R3HCC1L: variants seen among roughly 807,000 people sequenced by gnomAD.
The protein encoded by R3HCC1L is coiled-coil domain-containing protein R3HCC1L.
In R3HCC1L, 51 loss-of-function variants were observed where a neutral mutation model predicts 59.9. The ratio of observed to expected loss-of-function variants is 0.85; its 90% confidence interval spans 0.68 to 1.07. The LOEUF (loss-of-function observed/expected upper bound fraction) is 1.07. R3HCC1L is among the 50% of genes least tolerant of loss of function. The pLI, the probability that R3HCC1L is intolerant of heterozygous loss-of-function variation, is 0.00. For missense variants in R3HCC1L, 965 were observed against 933.0 expected (o/e 1.03, Z -0.45); for synonymous variants, 322 against 315.2 (o/e 1.02, Z -0.23).
At chr10:98,238,614 A>C (rs891776236) in intron 9 of R3HCC1L, among the ~76,000 whole-genome samples, 5 of 152,168 alleles carry the variant, frequency 3.3e-5, no homozygotes, top group Non-Finnish European at 7.4e-5. Flanking sequence ...AACTGGCCTA[A>C]GGTCACCCAG....
At chr10:98,174,595 A>G in intron 4 of R3HCC1L, 1 of 984,770 alleles carries the variant, frequency 1.0e-6, no homozygotes, top group Non-Finnish European at 1.2e-6. Context: ...CTCAGTTTAA[A>G]CACAACTCAT....
Position 98,235,500 on chromosome 10 carries a change from CCAAAG to C in R3HCC1L, c.2110_2114del (p.Lys704Ter), listed in dbSNP as rs749452374. 320 of 1,612,988 alleles carry C rather than the reference CCAAAG, an allele frequency of 2.0e-4. No individual in the cohort carries two copies. The highest frequency in any genetic ancestry group is 2.4e-4 in the Non-Finnish European group (283 of 1,179,358). On this transcript the variant is annotated frameshift_variant, in exon 8 of 10. Transcript: ENST00000298999. LOFTEE classifies it high-confidence loss of function. ...TCACAGGCCACAAGAGCAGCCAAGGCCAAAGCTAGAGCTTATGCTGGTGAGTCTAT... is the reference window on the plus strand; with the variant it reads ...TCACAGGCCACAAGAGCAGCCAAGGCCTAGAGCTTATGCTGGTGAGTCTAT...
At chr10:98,190,884 A>G (rs761952489) in intron 4 of R3HCC1L, among the ~76,000 whole-genome samples, 1 of 136,288 alleles carries the variant, frequency 7.3e-6, no homozygotes, top group Non-Finnish European at 1.5e-5. Flanking sequence ...GTTCCTACCT[A>G]TGAGTGAGAA....
chr10:98,227,688 C>T (rs1266681933), intron 5 of R3HCC1L, among the ~76,000 whole-genome samples: 3 of 151,568 alleles, frequency 2.0e-5, no homozygotes, highest in East Asian at 1.9e-4. Flanking sequence ...CCCATTAACT[C>T]GTCATTTACA....
intron 4 of R3HCC1L, among the ~76,000 whole-genome samples, chr10:98,182,446 G>T (rs931823420): frequency 6.6e-6 from 1 of 152,162 alleles, no homozygotes; most frequent in African/African-American, 2.4e-5. Flanking sequence ...TGAGGTGTCA[G>T]TCGGCCCCTC....
intron 4 of R3HCC1L, among the ~76,000 whole-genome samples, chr10:98,202,726 C>T (rs1852191948): frequency 2.0e-5 from 3 of 152,064 alleles, no homozygotes; most frequent in South Asian, 4.2e-4. Flanking sequence ...GTGGCAGTCG[C>T]CTGTAGTCCC....
chr10:98,189,275 A>G (rs1303162098), intron 4 of R3HCC1L, among the ~76,000 whole-genome samples: 1 of 152,216 alleles, frequency 6.6e-6, no homozygotes, highest in Non-Finnish European at 1.5e-5. Flanking sequence ...TGGAGGTTGT[A>G]GTACAGCTGT....
At chr10:98,150,050 ATTCT>A (rs1845993221) in intron 1 of R3HCC1L, among the ~76,000 whole-genome samples, 1 of 152,108 alleles carries the variant, frequency 6.6e-6, no homozygotes, top group African/African-American at 2.4e-5. Flanking sequence ...GAGTTCACTG[ATTCT>A]TTCCTCTGTG....
At chr10:98,166,185 C>G (rs1460169041) in intron 4 of R3HCC1L, among the ~76,000 whole-genome samples, 2 of 152,094 alleles carry the variant, frequency 1.3e-5, no homozygotes, top group South Asian at 4.1e-4. Context: ...ATCAAACAAA[C>G]AAACCAAGAA....
intron 4 of R3HCC1L, among the ~76,000 whole-genome samples, chr10:98,206,801 G>A (rs1008375456): frequency 2.0e-5 from 3 of 151,972 alleles, no homozygotes; most frequent in Admixed American, 2.0e-4. Context: ...TGAAAATTAG[G>A]CATTTTTTGA....
At chr10:98,157,943 A>G (rs548962938) in intron 2 of R3HCC1L, among the ~76,000 whole-genome samples, 5 of 152,362 alleles carry the variant, frequency 3.3e-5, no homozygotes, top group Admixed American at 6.5e-5. Context: ...GTAACTAAGC[A>G]TAGGTCTGCA....
intron 1 of R3HCC1L, among the ~76,000 whole-genome samples, chr10:98,150,567 G>A (rs1271457134): frequency 6.6e-6 from 1 of 151,060 alleles, no homozygotes; most frequent in Non-Finnish European, 1.5e-5. Context: ...GGCACCAGCT[G>A]TCACCTTAAG....
intron 1 of R3HCC1L, among the ~76,000 whole-genome samples, chr10:98,142,761 C>G (rs1032472675): frequency 3.9e-5 from 6 of 152,026 alleles, no homozygotes; most frequent in African/African-American, 1.2e-4. Context: ...ATGGCAAAAC[C>G]CTGTCTCCAC....
intron 9 of R3HCC1L, among the ~76,000 whole-genome samples, chr10:98,241,680 TTGTC>T (rs1451109741): frequency 2.0e-5 from 3 of 152,208 alleles, no homozygotes; most frequent in African/African-American, 7.2e-5. Flanking sequence ...ACATGTTTCT[TTGTC>T]TTTCTGTTTA....
chr10:98,215,413 T>A (rs1481931024), intron 5 of R3HCC1L, among the ~76,000 whole-genome samples: 1 of 151,468 alleles, frequency 6.6e-6, no homozygotes, highest in Non-Finnish European at 1.5e-5. Context: ...AATTTTTTTT[T>A]ATCATATTTC....
intron 5 of R3HCC1L, 88 bp from the exon 6 acceptor site, chr10:98,231,424 A>G (rs1564733556): frequency 8.2e-7 from 1 of 1,224,026 alleles, no homozygotes; most frequent in East Asian, 2.5e-5. Context: ...ATGTAGAGAA[A>G]GGGAGGAGGA....
chr10:98,194,543 C>T (rs1326406130), intron 4 of R3HCC1L, among the ~76,000 whole-genome samples: 1 of 151,968 alleles, frequency 6.6e-6, no homozygotes, highest in African/African-American at 2.4e-5. Flanking sequence ...TAAACACAGC[C>T]TGAGGAATAG....
At chr10:98,169,169 GC>G (rs1447734432) in intron 4 of R3HCC1L, among the ~76,000 whole-genome samples, 1 of 152,160 alleles carries the variant, frequency 6.6e-6, no homozygotes, top group Non-Finnish European at 1.5e-5. Context: ...TTTTACGGCA[GC>G]AGTCTTTGAA....
In R3HCC1L at chr10:98,244,291, C is replaced by A; in HGVS notation, c.*133C>A. The stretch of plus-strand genomic sequence containing the variant: ...AGAGATAAAGTGATCGAGACAAGGA[C>A]TGACTGGGTATAGAAGGAAGACAGA... On this transcript the variant is annotated 3_prime_UTR_variant, in exon 10 of 10. Coordinates refer to ENST00000298999, the MANE Select transcript of R3HCC1L (RefSeq NM_001351015.2). 1 of 796,996 alleles carries A rather than the reference C, an allele frequency of 1.3e-6. No homozygotes were observed. 49.4% of individuals were successfully genotyped at this position (796,996 alleles called of 1,614,324 possible). A position where few individuals can be genotyped will look rare whatever the true frequency, so the allele number is the denominator to read the frequency against.
Sources: gnomAD v4.1 joint callset for allele counts (sites outside exome capture counted in the v4.1 genomes callset) on GRCh38, gnomAD v4.1.1 for gene constraint, MANE v1.5 for transcripts, NCBI Gene and HGNC (gene_info 2026-07-23, HGNC 2026-07-21) for gene names.